SIM1: variants seen among roughly 807,000 people sequenced by gnomAD.
The protein encoded by SIM1 is SIM bHLH transcription factor 1.
A neutral mutation model predicts 78.2 loss-of-function variants in SIM1; 18 were observed. The ratio of observed to expected loss-of-function variants is 0.23; its 90% CI spans 0.16 to 0.34. The LOEUF (loss-of-function observed/expected upper bound fraction) is 0.34. Among genes scored for constraint, SIM1 ranks in the 10% least tolerant of loss-of-function variants. The pLI is 1.00. For missense variants in SIM1, 939 were observed against 975.1 expected (o/e 0.96, Z 0.49); for synonymous variants, 417 against 385.2 (o/e 1.08, Z -0.97).
intron 10 of SIM1, among the ~76,000 whole-genome samples, chr6:100,399,865 A>G (rs1770863047): frequency 6.6e-6 from 1 of 152,088 alleles, no homozygotes; most frequent in Admixed American, 6.5e-5. Flanking sequence ...ATCATGTGAC[A>G]TGCCTAAAAC....
chr6:100,425,080 A>T (rs1210086613), intron 9 of SIM1, among the ~76,000 whole-genome samples: 1 of 152,110 alleles, frequency 6.6e-6, no homozygotes, highest in Non-Finnish European at 1.5e-5. Flanking sequence ...AGTCTTTCTC[A>T]TACTATTCTT....
At chr6:100,414,984 A>C (rs1771361374) in intron 10 of SIM1, among the ~76,000 whole-genome samples, 1 of 152,252 alleles carries the variant, frequency 6.6e-6, no homozygotes, top group South Asian at 2.1e-4. Context: ...GTAGCAAGTG[A>C]TTAAATACTT....
At chr6:100,443,011 T>C (rs1051035411) in intron 9 of SIM1, among the ~76,000 whole-genome samples, 2 of 152,092 alleles carry the variant, frequency 1.3e-5, no homozygotes, top group East Asian at 3.8e-4. Flanking sequence ...ACATACCATA[T>C]GCAAACAACA....
intron 9 of SIM1, among the ~76,000 whole-genome samples, chr6:100,431,651 A>G (rs1262032617): frequency 6.6e-6 from 1 of 152,198 alleles, no homozygotes; most frequent in African/African-American, 2.4e-5. Flanking sequence ...CCTTGAAGTC[A>G]GAGAACTTGT....
At chr6:100,461,548 C>T (rs1375695002) in intron 2 of SIM1, among the ~76,000 whole-genome samples, 4 of 152,242 alleles carry the variant, frequency 2.6e-5, no homozygotes, top group East Asian at 3.9e-4. Flanking sequence ...CAATAATTGA[C>T]GAGACCGGCT....
chr6:100,403,541 A>G (rs947997622), intron 10 of SIM1, among the ~76,000 whole-genome samples: 3 of 152,256 alleles, frequency 2.0e-5, no homozygotes. Flanking sequence ...CAAGGTGTTC[A>G]CATTAAGAGG....
chr6:100,410,686 T>C lies in SIM1; in HGVS notation c.1167+10104A>G, dbSNP rs571448475. ...CAGGCAATGGGCCAGACTGTCAAGA[T>C]TGGATGTCATACTCTAACCAATGAG... On this transcript the variant is annotated intron_variant, in intron 10 of 11. Coordinates refer to ENST00000369208, the MANE Select transcript of SIM1 (RefSeq NM_005068.3). Among the ~76,000 whole-genome samples the C allele has an allele frequency of 2.0e-5, 3 of 152,228 alleles. No individual in the cohort carries two copies. In the South Asian group the frequency reaches 6.2e-4, roughly 32 times the overall value.
rs3798505 is a variant in SIM1 at position 100,411,038 on chromosome 6, T to C, written c.1167+9752A>G. ...AATCTATCTTTCATAAGCATAACAC[T>C]ATTAAAGATGTAGAACAAAAAATGT... On this transcript the variant is annotated intron_variant, in intron 10 of 11. Transcript: ENST00000369208. Among the ~76,000 whole-genome samples the C allele has an allele frequency of 6.7e-4, 102 of 152,276 alleles. 2 individuals are homozygous for C. In the East Asian group the frequency reaches 0.019, roughly 28 times the overall value.
intron 6 of SIM1, 45 bp downstream of exon 6, chr6:100,449,318 C>T (rs1326774125): frequency 1.3e-6 from 2 of 1,537,462 alleles, no homozygotes; most frequent in East Asian, 2.3e-5. Flanking sequence ...GCCTTGCTTC[C>T]CGCCTCCTCT....
At chr6:100,456,716 A>G (rs1250953485) in intron 2 of SIM1, among the ~76,000 whole-genome samples, 1 of 152,162 alleles carries the variant, frequency 6.6e-6, no homozygotes, top group Non-Finnish European at 1.5e-5. Flanking sequence ...TCATATTTAC[A>G]TAAGTAGCAT....
At position 100,420,869 on chromosome 6, in the gene SIM1, G is replaced by T; in HGVS notation, c.1088C>A (p.Thr363Asn). ...GGCCCCCTTTCTGTTGTCAGTCATG[G>T]TGGGGGTGGAGCTGCTGGTATAGGA... is the stretch of plus-strand genomic sequence containing the variant. Reference protein sequence around the residue: ...AFSYTSSSTPTMTDNRKGAKS... With the variant: ...AFSYTSSSTPNMTDNRKGAKS... The change falls in exon 10 of 12, where the codon ACC becomes AAC. Residue 363 changes from threonine (T) to asparagine (N), a missense_variant. By Grantham distance (65) the Thr-to-Asn change is moderately conservative. Transcript: ENST00000369208. 6.2e-7 allele frequency: 1 copy of T among 1,614,076 alleles called. No individual in the cohort carries two copies. The highest frequency in any genetic ancestry group is 8.5e-7 in the Non-Finnish European group (1 of 1,179,978).
In SIM1 at chr6:100,388,376, T is replaced by C. The variant is rs1770558345; in HGVS notation, c.*1985A>G. ...GATTGGAAAAAAAACCACACATAAG[T>C]GAATCTGCACAGTTCAAACCCATGT... is the stretch of plus-strand genomic sequence containing the variant. On this transcript the variant is annotated 3_prime_UTR_variant, in exon 12 of 12. Transcript: ENST00000369208. 1 of 152,176 alleles carries C rather than the reference T, an allele frequency of 6.6e-6. No individual in the cohort carries two copies. Among genetic ancestry groups the C allele is most frequent in the South Asian group, 2.1e-4 (1 of 4,828 alleles). The allele number at this position is 152,176 out of a possible 1,614,324, so 9.4% of individuals were successfully genotyped here. A position where few individuals can be genotyped will look rare whatever the true frequency, so the allele number is the denominator to read the frequency against.
intron 9 of SIM1, among the ~76,000 whole-genome samples, chr6:100,433,054 C>T (rs1400304065): frequency 6.6e-6 from 1 of 152,100 alleles, no homozygotes; most frequent in East Asian, 1.9e-4. Context: ...AAATCTGACC[C>T]CTCACCACTA....
chr6:100,391,482 C>A (rs1770638218), intron 11 of SIM1, among the ~76,000 whole-genome samples: 1 of 152,168 alleles, frequency 6.6e-6, no homozygotes, highest in African/African-American at 2.4e-5. Flanking sequence ...TTCTGTAGAG[C>A]AGTGCCATGT....
At position 100,389,543 on chromosome 6, in the gene SIM1, T is replaced by G. The variant is rs922758824; in HGVS notation, c.*818A>C. ...ATTGTGTTAAACTTTGAGATAGCAT[T>G]TTATTTCACTCTGCCTCTGGCCTTT... On this transcript the variant is annotated 3_prime_UTR_variant, in exon 12 of 12. Coordinates refer to ENST00000369208, the MANE Select transcript of SIM1 (RefSeq NM_005068.3). 5.0e-6 allele frequency: 2 copies of G among 398,464 alleles called. No homozygotes were observed. Among genetic ancestry groups the G allele is most frequent in the Non-Finnish European group, 8.9e-6 (2 of 225,870 alleles). The allele number at this position is 398,464 out of a possible 1,614,324, so 24.7% of individuals were successfully genotyped here. A position where few individuals can be genotyped will look rare whatever the true frequency, so the allele number is the denominator to read the frequency against.
At chr6:100,397,211 G>T (rs1357907578) in intron 10 of SIM1, among the ~76,000 whole-genome samples, 3 of 152,244 alleles carry the variant, frequency 2.0e-5, no homozygotes, top group African/African-American at 7.2e-5. Flanking sequence ...TTTGGTCAAT[G>T]AATTATTATA....
intron 10 of SIM1, among the ~76,000 whole-genome samples, chr6:100,419,058 C>T (rs1771491417): frequency 6.6e-6 from 1 of 151,940 alleles, no homozygotes; most frequent in African/African-American, 2.4e-5. Context: ...CCCAGCTACT[C>T]AGGAAGCTAA....
intron 10 of SIM1, among the ~76,000 whole-genome samples, chr6:100,411,745 G>A (rs1771196333): frequency 6.6e-6 from 1 of 152,146 alleles, no homozygotes; most frequent in Non-Finnish European, 1.5e-5. Flanking sequence ...GATATGACAT[G>A]TCTAGAAGGC....
At chr6:100,421,409 G>A (rs896016441) in intron 9 of SIM1, among the ~76,000 whole-genome samples, 4 of 152,116 alleles carry the variant, frequency 2.6e-5, no homozygotes, top group African/African-American at 9.7e-5. Flanking sequence ...GTTTAAGCAG[G>A]ATTATAAATA....
Sources: gnomAD v4.1 joint callset for allele counts (sites outside exome capture counted in the v4.1 genomes callset) on GRCh38, gnomAD v4.1.1 for gene constraint, MANE v1.5 for transcripts, NCBI Gene and HGNC (gene_info 2026-07-23, HGNC 2026-07-21) for gene names.